RANBP2: variants seen among roughly 807,000 people sequenced by gnomAD.
RANBP2 encodes the protein RAN binding protein 2.
A neutral mutation model predicts 303.6 loss-of-function variants in RANBP2; 57 were observed. That is an observed-to-expected ratio of 0.19 (90% CI 0.15 to 0.23). The LOEUF (loss-of-function observed/expected upper bound fraction) is 0.23. Ranked by LOEUF, RANBP2 falls within the 10% of genes least tolerant of loss-of-function variation. The pLI is 1.00. For synonymous variants in RANBP2, 1,167 were observed against 1,301.5 expected (o/e 0.90, Z 2.23); for missense variants, 3,138 against 3,780.8 (o/e 0.83, Z 4.46).
rs1277138821 is a variant in RANBP2, at chr2:108,782,592, C to G, written c.9099C>G (p.Phe3033Leu). 6.2e-7 allele frequency: 1 copy of G among 1,614,144 alleles called. No individual in the cohort carries two copies. The highest frequency in any genetic ancestry group is 2.2e-5 in the East Asian group (1 of 44,884). Residue 3033 changes from phenylalanine to leucine, a missense_variant, in exon 28 of 29, where the codon TTC becomes TTG. Around this residue, in one of 20 missense-constraint regions of RANBP2, gnomAD observed 204 missense variants for 228.4 expected, o/e 0.89. Coordinates refer to ENST00000283195, the MANE Select transcript of RANBP2 (RefSeq NM_006267.5). ...AAACTAAAGAAGTAGCTGATTGTTT[C>G]AAGAAAACATTTGAAGAATGTCAGC... ...RFKTKEVADC[F>L]KKTFEECQQN... is the part of the protein sequence containing the mutation.
At chr2:109,626,563 G>A in the RANBP2 span, among the ~76,000 whole-genome samples, 1 of 152,304 alleles carries the variant, frequency 6.6e-6, no homozygotes, top group East Asian at 1.9e-4. Flanking sequence ...GAACTGAAGA[G>A]GTGGACATCA....
chr2:109,277,093 C>T, the RANBP2 span, among the ~76,000 whole-genome samples: 1 of 152,206 alleles, frequency 6.6e-6, no homozygotes, highest in African/African-American at 2.4e-5. Context: ...CGCCGGCGGT[C>T]CCTCAACTGT....
the RANBP2 span, among the ~76,000 whole-genome samples, chr2:108,962,700 A>AGTG: frequency 2.3e-5 from 3 of 128,874 alleles, no homozygotes; most frequent in Admixed American, 8.0e-5. Flanking sequence ...AAAAAAAAAA[A>AGTG]AGAGAGAAAG....
the RANBP2 span, among the ~76,000 whole-genome samples, chr2:109,337,479 G>C: frequency 6.6e-6 from 1 of 152,228 alleles, no homozygotes; most frequent in Non-Finnish European, 1.5e-5. Flanking sequence ...ATGGTGATAA[G>C]GGACTGTGCA....
the RANBP2 span, among the ~76,000 whole-genome samples, chr2:109,581,633 G>T: frequency 6.6e-6 from 1 of 151,924 alleles, no homozygotes; most frequent in South Asian, 2.1e-4. Context: ...GTACCATTTG[G>T]TATTTTCACA....
At chr2:109,219,263 C>CT in the RANBP2 span, among the ~76,000 whole-genome samples, 1,573 of 151,942 alleles carry the variant, frequency 0.01, 29 homozygotes, top group African/African-American at 0.035. Flanking sequence ...TTGCTCAGCA[C>CT]TTTTTTGGGG....
At chr2:109,206,192 G>A in the RANBP2 span, among the ~76,000 whole-genome samples, 4 of 152,184 alleles carry the variant, frequency 2.6e-5, no homozygotes, top group East Asian at 1.9e-4. Context: ...AACTATGGTC[G>A]AGATTAGAGG....
At chr2:109,104,940 C>T in the RANBP2 span, among the ~76,000 whole-genome samples, 80,077 of 152,008 alleles carry the variant, frequency 0.53, 22,134 homozygotes, top group South Asian at 0.62. Context: ...GTCATGACCC[C>T]GGTTTGCAGA....
the RANBP2 span, among the ~76,000 whole-genome samples, chr2:109,209,101 G>A: frequency 1.3e-5 from 2 of 152,204 alleles, no homozygotes; most frequent in African/African-American, 4.8e-5. Context: ...ACCCACAAAT[G>A]TTGCCCAACT....
the RANBP2 span, among the ~76,000 whole-genome samples, chr2:109,189,256 A>G: frequency 1.6e-3 from 248 of 151,682 alleles, 2 homozygotes; most frequent in African/African-American, 5.8e-3. Context: ...GGTCTGGCCA[A>G]GCTTGATCTG....
the RANBP2 span, chr2:109,129,135 CG>C: frequency 8.1e-6 from 3 of 370,720 alleles, no homozygotes; most frequent in South Asian, 3.9e-5. Flanking sequence ...CCGGCCTCCC[CG>C]GGGACCTGGC....
the RANBP2 span, among the ~76,000 whole-genome samples, chr2:109,459,931 T>C: frequency 6.6e-5 from 10 of 152,178 alleles, no homozygotes; most frequent in African/African-American, 1.2e-4. Flanking sequence ...CACCATATAT[T>C]TGATGCTGAT....
At chr2:109,278,796 C>G in the RANBP2 span, among the ~76,000 whole-genome samples, 1 of 152,178 alleles carries the variant, frequency 6.6e-6, no homozygotes, top group East Asian at 1.9e-4. Context: ...TCACCTGTAT[C>G]TTGTTTGTGG....
chr2:108,757,609 G>T (rs1460223496), intron 17 of RANBP2, among the ~76,000 whole-genome samples: 1 of 152,160 alleles, frequency 6.6e-6, no homozygotes, highest in African/African-American at 2.4e-5. Flanking sequence ...TTTTGTTTCA[G>T]CATGGGGTTA....
chr2:108,853,150 C>G, the RANBP2 span, among the ~76,000 whole-genome samples: 2 of 152,142 alleles, frequency 1.3e-5, no homozygotes, highest in Non-Finnish European at 2.9e-5. Flanking sequence ...GACCCACAAT[C>G]GGAATAGTGA....
chr2:109,190,046 T>C, the RANBP2 span, among the ~76,000 whole-genome samples: 18 of 152,260 alleles, frequency 1.2e-4, no homozygotes, highest in Non-Finnish European at 1.5e-5. Flanking sequence ...AACTTCCAAG[T>C]GCTCTTTGAT....
the RANBP2 span, chr2:109,128,059 ACTGAACTCGCTGTGCAGCGTCCAAC>A: frequency 3.9e-5 from 6 of 152,222 alleles, no homozygotes; most frequent in Non-Finnish European, 8.8e-5. Context: ...GTTAGCCCTG[ACTGAACTCGCTGTGCAGCGTCCAAC>A]CAATCCTGGT....
At chr2:109,358,060 C>T in the RANBP2 span, among the ~76,000 whole-genome samples, 1 of 152,200 alleles carries the variant, frequency 6.6e-6, no homozygotes, top group Non-Finnish European at 1.5e-5. Flanking sequence ...TCCCTCCCTC[C>T]TCCACCACCC....
the RANBP2 span, among the ~76,000 whole-genome samples, chr2:109,663,924 C>G: frequency 1.3e-5 from 2 of 152,278 alleles, no homozygotes; most frequent in East Asian, 3.9e-4. Flanking sequence ...TCCCAAATGT[C>G]GCTGGACAGT....
Sources: gnomAD v4.1 joint callset for allele counts (sites outside exome capture counted in the v4.1 genomes callset) on GRCh38, gnomAD v4.1.1 for gene constraint, gnomAD v4.1.1 regional missense constraint, MANE v1.5 for transcripts, NCBI Gene and HGNC (gene_info 2026-07-23, HGNC 2026-07-21) for gene names.